Variants in HPSE2 observed in about 807,000 individuals in gnomAD.
HPSE2 encodes the protein heparanase 2 (inactive).
In HPSE2, 38 loss-of-function variants were observed where a neutral mutation model predicts 60.5. The ratio of observed to expected loss-of-function variants is 0.63; its 90% confidence interval spans 0.48 to 0.82. The LOEUF (loss-of-function observed/expected upper bound fraction) is 0.82, where lower values mean the gene tolerates loss of function less well. Ranked by LOEUF, HPSE2 falls within the 40% of genes least tolerant of loss-of-function variation. The pLI is 0.00. For synonymous variants in HPSE2, 295 were observed against 293.2 expected (o/e 1.01, Z -0.06); for missense variants, 713 against 740.4 (o/e 0.96, Z 0.43).
At chr10:99,314,953 C>T in the HPSE2 span, among the ~76,000 whole-genome samples, 1 of 152,118 alleles carries the variant, frequency 6.6e-6, no homozygotes, top group African/African-American at 2.4e-5. Flanking sequence ...AAGAAACCAC[C>T]TAAACTGAAA....
chr10:99,010,001 T>C (rs1022363319), intron 3 of HPSE2, among the ~76,000 whole-genome samples: 2 of 152,236 alleles, frequency 1.3e-5, no homozygotes, highest in Non-Finnish European at 2.9e-5. Context: ...GAAATTCATT[T>C]ACAGACCATT....
chr10:98,796,660 T>C (rs552131633), intron 3 of HPSE2, among the ~76,000 whole-genome samples: 39 of 152,266 alleles, frequency 2.6e-4, no homozygotes, highest in African/African-American at 8.7e-4. Flanking sequence ...CATAGAGACA[T>C]TGAGCTTTGA....
chr10:98,792,519 G>A (rs972373584), intron 3 of HPSE2, among the ~76,000 whole-genome samples: 3 of 151,956 alleles, frequency 2.0e-5, no homozygotes, highest in African/African-American at 7.2e-5. Flanking sequence ...TTACTGAATT[G>A]GAAAGAATAA....
At chr10:99,117,200 A>C (rs923679058) in intron 3 of HPSE2, among the ~76,000 whole-genome samples, 19 of 151,490 alleles carry the variant, frequency 1.3e-4, no homozygotes, top group Non-Finnish European at 7.4e-5. Context: ...TTCTAAATTA[A>C]TTAATTAATA....
chr10:99,168,205 C>A (rs1293570101), intron 2 of HPSE2, among the ~76,000 whole-genome samples: 1 of 151,780 alleles, frequency 6.6e-6, no homozygotes, highest in African/African-American at 2.4e-5. Context: ...TCTTCCTATC[C>A]ATGATATGAC....
intron 9 of HPSE2, among the ~76,000 whole-genome samples, chr10:98,544,101 G>T (rs1943568802): frequency 6.6e-6 from 1 of 151,864 alleles, no homozygotes; most frequent in Admixed American, 6.6e-5. Context: ...CTCAGCAAAT[G>T]CAAAAGAATA....
intron 3 of HPSE2, among the ~76,000 whole-genome samples, chr10:98,830,825 G>A (rs1951666933): frequency 6.6e-6 from 1 of 152,144 alleles, no homozygotes; most frequent in East Asian, 1.9e-4. Flanking sequence ...AATGGGAAAG[G>A]AAGGCCATGC....
chr10:98,534,266 C>T (rs920325465), intron 9 of HPSE2, among the ~76,000 whole-genome samples: 1 of 152,096 alleles, frequency 6.6e-6, no homozygotes, highest in African/African-American at 2.4e-5. Context: ...TGACTCATAA[C>T]CATTTGGATA....
At chr10:99,089,752 G>A (rs1843447903) in intron 3 of HPSE2, among the ~76,000 whole-genome samples, 2 of 152,062 alleles carry the variant, frequency 1.3e-5, no homozygotes, top group Admixed American at 6.6e-5. Context: ...TGAATTTGTA[G>A]ATTGCTTTTG....
chr10:98,819,381 A>G (rs919960608), intron 3 of HPSE2, among the ~76,000 whole-genome samples: 1 of 150,674 alleles, frequency 6.6e-6, no homozygotes, highest in Non-Finnish European at 1.5e-5. Flanking sequence ...CAGTTTACAA[A>G]TCTTTCCCCT....
At chr10:98,880,780 T>C (rs558542811) in intron 3 of HPSE2, among the ~76,000 whole-genome samples, 1 of 152,190 alleles carries the variant, frequency 6.6e-6, no homozygotes, top group East Asian at 1.9e-4. Context: ...TTTTGTACCA[T>C]TGGAGGTTTT....
rs374716863 is a variant in HPSE2, at chr10:98,557,530, TAGG to T, written c.1320+57371_1320+57373del. 1.3e-3 allele frequency among the ~76,000 whole-genome samples: 199 copies of T among 152,246 alleles called. 10 individuals carry two copies. The East Asian group carries it at 0.028, about 22-fold the overall frequency. On this transcript the variant is annotated intron_variant, in intron 9 of 11. Transcript: ENST00000370552. ...TAAAACAAGGAAGATTTTAGAAACA[TAGG>T]AGAACATCTTTGTGATAGTGGAGTA...
At chr10:98,938,366 A>G (rs1457065858) in intron 3 of HPSE2, among the ~76,000 whole-genome samples, 1 of 144,328 alleles carries the variant, frequency 6.9e-6, no homozygotes, top group Non-Finnish European at 1.5e-5. Flanking sequence ...ATGTATAACT[A>G]GAATAACCAA....
intron 3 of HPSE2, among the ~76,000 whole-genome samples, chr10:98,819,837 C>T (rs1313336522): frequency 6.6e-6 from 1 of 152,040 alleles, no homozygotes; most frequent in Non-Finnish European, 1.5e-5. Context: ...AGCTAGGAAT[C>T]TTGTGGCGCC....
intron 3 of HPSE2, among the ~76,000 whole-genome samples, chr10:99,069,287 T>C (rs1842711939): frequency 1.3e-5 from 2 of 152,112 alleles, no homozygotes; most frequent in Admixed American, 6.5e-5. Context: ...TCAGAAGTCC[T>C]TGAAATATTT....
intron 3 of HPSE2, among the ~76,000 whole-genome samples, chr10:98,842,433 T>C (rs1292350399): frequency 1.3e-5 from 2 of 152,096 alleles, no homozygotes; most frequent in Admixed American, 6.5e-5. Flanking sequence ...TTGGTAGAGT[T>C]TGCCAATCTG....
At chr10:98,791,890 C>G (rs917017293) in intron 3 of HPSE2, among the ~76,000 whole-genome samples, 4 of 152,162 alleles carry the variant, frequency 2.6e-5, no homozygotes, top group African/African-American at 9.6e-5. Flanking sequence ...ATTTCTAGTT[C>G]AAGTTTTCCA....
upstream of HPSE2, among the ~76,000 whole-genome samples, chr10:99,239,494 A>G (rs1849911839): frequency 7.6e-6 from 1 of 131,514 alleles, no homozygotes; most frequent in Non-Finnish European, 1.5e-5. Context: ...CAGTGGCACG[A>G]TCTCGGCTCA....
chr10:99,098,683 C>T (rs10883261), intron 3 of HPSE2, among the ~76,000 whole-genome samples: 77,246 of 152,022 alleles, frequency 0.51, 21,401 homozygotes, highest in East Asian at 0.65. Flanking sequence ...ATTTATTACA[C>T]ATAGAAAATA....
Sources: gnomAD v4.1 joint callset for allele counts (sites outside exome capture counted in the v4.1 genomes callset) on GRCh38, gnomAD v4.1.1 for gene constraint, MANE v1.5 for transcripts, NCBI Gene and HGNC (gene_info 2026-07-23, HGNC 2026-07-21) for gene names.